Variants in ST8SIA6 observed in about 807,000 individuals in gnomAD.
The protein encoded by ST8SIA6 is alpha-2,8-sialyltransferase 8F.
ST8SIA6 carries 39 observed loss-of-function variants against 33.6 expected under a neutral mutation model. That is an observed-to-expected ratio of 1.16 (90% CI 0.90 to 1.52). The LOEUF is 1.52. Ranked by LOEUF, ST8SIA6 falls within the 40% of genes most tolerant of loss-of-function variation. The pLI is 0.00. For synonymous variants in ST8SIA6, 172 were observed against 167.2 expected, an observed-to-expected ratio of 1.03 and a Z score of -0.22; for missense variants, 441 against 443.8, an observed-to-expected ratio of 0.99 and a Z score of 0.06.
At chr10:17,337,155 T>C (rs1173955535) in intron 4 of ST8SIA6, among the ~76,000 whole-genome samples, 1 of 116,754 alleles carries the variant, frequency 8.6e-6, no homozygotes, top group Non-Finnish European at 1.8e-5. Flanking sequence ...CTTCTCTCTC[T>C]TCCTCCGGCC....
At position 17,321,351 on chromosome 10, in the gene ST8SIA6, C is replaced by T. The variant is rs753972186; in HGVS notation, c.729-5G>A. On this transcript the variant is annotated splice_polypyrimidine_tract_variant and splice_region_variant and intron_variant, in intron 7 of 7. Coordinates refer to ENST00000377602, the MANE Select transcript of ST8SIA6 (RefSeq NM_001004470.3). ...TTTTCCTTTAAGTTCCCATATCTGCCAAATTAAAAAAAAATTATAGTAATC... is the reference window on the plus strand; with the variant it reads ...TTTTCCTTTAAGTTCCCATATCTGCTAAATTAAAAAAAAATTATAGTAATC... 2 of 1,569,310 alleles carry T rather than the reference C, an allele frequency of 1.3e-6. No homozygotes were observed. The highest frequency in any genetic ancestry group is 1.7e-6 in the Non-Finnish European group (2 of 1,164,040).
At chr10:17,379,285 G>A (rs1297029739) in intron 3 of ST8SIA6, among the ~76,000 whole-genome samples, 5 of 151,340 alleles carry the variant, frequency 3.3e-5, no homozygotes, top group Non-Finnish European at 7.4e-5. Flanking sequence ...CAGAGAGAGG[G>A]AAAGCTAGAG....
intron 2 of ST8SIA6, among the ~76,000 whole-genome samples, chr10:17,452,435 T>G (rs1247648140): frequency 6.6e-6 from 1 of 152,214 alleles, no homozygotes; most frequent in Non-Finnish European, 1.5e-5. Flanking sequence ...AGAGACCGTA[T>G]AGCAGATTGC....
At chr10:17,349,251 A>G (rs1385807784) in intron 4 of ST8SIA6, among the ~76,000 whole-genome samples, 1 of 152,190 alleles carries the variant, frequency 6.6e-6, no homozygotes, top group East Asian at 1.9e-4. Context: ...AATGATCACA[A>G]AAGCAAAACT....
chr10:17,361,220 AG>A (rs1439502494), intron 3 of ST8SIA6, among the ~76,000 whole-genome samples: 7 of 152,058 alleles, frequency 4.6e-5, no homozygotes, highest in African/African-American at 1.7e-4. Context: ...TGAGATGAAA[AG>A]CTTGTTCTTT....
At chr10:17,393,321 C>G (rs142947692) in intron 2 of ST8SIA6, among the ~76,000 whole-genome samples, 114 of 152,252 alleles carry the variant, frequency 7.5e-4, no homozygotes, top group African/African-American at 2.3e-3. Flanking sequence ...GGAGCTAATC[C>G]CTCGTAATAA....
chr10:17,403,264 G>C (rs942678409), intron 2 of ST8SIA6, among the ~76,000 whole-genome samples: 1 of 152,240 alleles, frequency 6.6e-6, no homozygotes, highest in Non-Finnish European at 1.5e-5. Context: ...CTCAAATTCA[G>C]TGTGCAAAAG....
chr10:17,376,326 G>T (rs1286746007), intron 3 of ST8SIA6, among the ~76,000 whole-genome samples: 1 of 152,048 alleles, frequency 6.6e-6, no homozygotes, highest in Non-Finnish European at 1.5e-5. Flanking sequence ...GATAAAGAAG[G>T]AATATTTTAC....
chr10:17,405,087 C>T (rs1367342196), intron 2 of ST8SIA6, among the ~76,000 whole-genome samples: 2 of 152,202 alleles, frequency 1.3e-5, no homozygotes, highest in African/African-American at 2.4e-5. Flanking sequence ...TGTGGATTCT[C>T]CTTTGAACTG....
chr10:17,366,254 C>T (rs1303234801), intron 3 of ST8SIA6, among the ~76,000 whole-genome samples: 1 of 152,086 alleles, frequency 6.6e-6, no homozygotes, highest in Admixed American at 6.5e-5. Flanking sequence ...TATTGTCAAC[C>T]AGCATGGGAA....
chr10:17,360,033 T>C (rs1849330543), intron 3 of ST8SIA6, among the ~76,000 whole-genome samples: 1 of 152,172 alleles, frequency 6.6e-6, no homozygotes, highest in Non-Finnish European at 1.5e-5. Context: ...AATAATTATC[T>C]TAAGTTATAA....
intron 4 of ST8SIA6, among the ~76,000 whole-genome samples, chr10:17,347,728 G>C (rs531239065): frequency 7.9e-5 from 12 of 152,084 alleles, no homozygotes; most frequent in Non-Finnish European, 1.6e-4. Context: ...GAGGTCACGA[G>C]ATCGAGACCA....
chr10:17,336,504 C>T (rs74117637), intron 4 of ST8SIA6, among the ~76,000 whole-genome samples: 6,602 of 152,028 alleles, frequency 0.043, 344 homozygotes, highest in African/African-American at 0.12. Flanking sequence ...GACCCTCCGC[C>T]AAGCCCCAGA....
At chr10:17,333,712 T>C (rs1281802134) in intron 4 of ST8SIA6, among the ~76,000 whole-genome samples, 648 of 38,162 alleles carry the variant, frequency 0.017, 7 homozygotes, top group Non-Finnish European at 0.028. Flanking sequence ...TATATATATA[T>C]ATATATTTTT....
At chr10:17,348,581 G>T (rs999371471) in intron 4 of ST8SIA6, among the ~76,000 whole-genome samples, 2 of 152,112 alleles carry the variant, frequency 1.3e-5, no homozygotes, top group African/African-American at 2.4e-5. Context: ...TCTGCTCATG[G>T]CCATTTAGTG....
At chr10:17,357,953 T>C (rs1436074526) in intron 4 of ST8SIA6, among the ~76,000 whole-genome samples, 1 of 152,208 alleles carries the variant, frequency 6.6e-6, no homozygotes, top group Non-Finnish European at 1.5e-5. Context: ...CCTGTGATCA[T>C]TTAGGTTATG....
At chr10:17,429,249 C>T (rs752796660) in intron 2 of ST8SIA6, among the ~76,000 whole-genome samples, 9 of 152,154 alleles carry the variant, frequency 5.9e-5, no homozygotes, top group Non-Finnish European at 1.2e-4. Flanking sequence ...ATCATCACCA[C>T]GACTAACCCC....
intron 4 of ST8SIA6, among the ~76,000 whole-genome samples, chr10:17,341,259 T>C (rs1848664880): frequency 6.6e-6 from 1 of 152,194 alleles, no homozygotes; most frequent in South Asian, 2.1e-4. Flanking sequence ...GGATCTGTTG[T>C]GGAAGCTTAC....
chr10:17,359,550 G>A lies in ST8SIA6; in HGVS notation c.341C>T (p.Pro114Leu). 6.2e-7 allele frequency: 1 copy of A among 1,605,748 alleles called. No individual in the cohort carries two copies. The highest frequency in any genetic ancestry group is 8.5e-7 in the Non-Finnish European group (1 of 1,176,804). Residue 114 changes from proline (P) to leucine (L), a missense_variant, in exon 4 of 8, where the codon CCA becomes CTA. By Grantham distance (98) the Pro-to-Leu change is moderately conservative. Coordinates refer to ENST00000377602, the MANE Select transcript of ST8SIA6 (RefSeq NM_001004470.3). ...ATATTCTTCTGCTTGCCGTTTCCAT[G>A]GACAACTCTGTATATCTGTGATAAT... Reference protein sequence around the residue: ...LQIITDIQSCPWKRQAEEYAN... With the variant: ...LQIITDIQSCLWKRQAEEYAN...
Sources: allele counts gnomAD v4.1 joint callset (sites outside exome capture counted in the v4.1 genomes callset), GRCh38; gene constraint gnomAD v4.1.1; transcripts MANE v1.5; gene names NCBI Gene and HGNC (gene_info 2026-07-23, HGNC 2026-07-21).